Variants in RAPSN observed in about 807,000 individuals in gnomAD.
RAPSN encodes the protein receptor associated protein of the synapse.
Under a neutral mutation model 45.7 loss-of-function variants are expected in RAPSN, and 33 were observed. That is an observed-to-expected ratio of 0.72 (90% CI 0.55 to 0.97). The LOEUF (loss-of-function observed/expected upper bound fraction) is 0.97, where lower values mean the gene tolerates loss of function less well. Ranked by LOEUF, RAPSN falls within the 50% of genes least tolerant of loss-of-function variation. The pLI is 0.00. For synonymous variants in RAPSN, 244 were observed against 233.6 expected, an observed-to-expected ratio of 1.04 and a Z score of -0.40; for missense variants, 519 against 559.4, an observed-to-expected ratio of 0.93 and a Z score of 0.73.
chr11:47,447,675 C>A, intron 2 of RAPSN, 137 bp downstream of exon 2: 1 of 1,072,062 alleles, frequency 9.3e-7, no homozygotes, highest in Non-Finnish European at 1.4e-6. Flanking sequence ...CTGGATAAGC[C>A]TTTTTGCTCT....
intron 5 of RAPSN, 88 bp downstream of exon 5, chr11:47,441,523 C>T: frequency 1.3e-6 from 2 of 1,585,180 alleles, no homozygotes; most frequent in Non-Finnish European, 1.7e-6. Context: ...TGACGTCAGA[C>T]AAAGTGGCTG....
Position 47,438,870 on chromosome 11 carries a change from C to T in RAPSN, c.1028G>A (p.Arg343Gln), listed in dbSNP as rs757902272. 52 of 1,566,422 alleles carry T rather than the reference C, an allele frequency of 3.3e-5. No homozygotes were observed. Among genetic ancestry groups the T allele is most frequent in the Non-Finnish European group, 3.5e-5 (40 of 1,155,016 alleles). Residue 343 changes from arginine to glutamine, a missense_variant, in exon 7 of 8, where the codon CGG (arginine) becomes CAG (glutamine). Arg to Gln is a conservative substitution (Grantham distance 43). Transcript: ENST00000298854. Reference protein sequence around the residue: ...ESIYRSKGLQRELRAHVVRFH... With the variant: ...ESIYRSKGLQQELRAHVVRFH... ...CCTCACAACGTGCGCCCGCAGTTCC[C>T]GCTGCAGCCCTTTGCTGCGGTAAAT...
At chr11:47,438,985 C>A in intron 6 of RAPSN, 54 bp from the exon 7 acceptor site, 2 of 1,524,040 alleles carry the variant, frequency 1.3e-6, no homozygotes, top group Non-Finnish European at 1.8e-6. Flanking sequence ...AAAGTCAGTG[C>A]AGGTAGGCTC....
In RAPSN at chr11:47,444,946, G is replaced by A. The variant is rs1053242502; in HGVS notation, c.532-2132C>T. 2.6e-5 allele frequency among the ~76,000 whole-genome samples: 4 copies of A among 151,676 alleles called. No individual in the cohort carries two copies. The South Asian group carries it at 6.2e-4, about 24-fold the overall frequency. The stretch of plus-strand genomic sequence containing the variant: ...ACACACACAAATAATTATTTTGGCC[G>A]GGCGCAGTGGCTTATGCCTGTAATC... On this transcript the variant is annotated intron_variant, in intron 2 of 7. Transcript: ENST00000298854.
Position 47,438,728 on chromosome 11 carries a change from C to T in RAPSN, c.1166+4G>A, listed in dbSNP as rs2076335012. The T allele has an allele frequency of 3.2e-6, 5 of 1,559,142 alleles. No homozygotes were observed. Among genetic ancestry groups the T allele is most frequent in the Admixed American group, 3.8e-5 (2 of 52,856 alleles). On this transcript the variant is annotated splice_donor_region_variant and intron_variant, in intron 7 of 7. Transcript: ENST00000298854. ...CCCCTGTCCACCCCCCCAGGAGCCCCCACCTGAGGTGGAAGATGTGGGAGC... is the reference window on the plus strand; with the variant it reads ...CCCCTGTCCACCCCCCCAGGAGCCCTCACCTGAGGTGGAAGATGTGGGAGC...
At position 47,441,224 on chromosome 11, in the gene RAPSN, G is replaced by A; in HGVS notation, c.913-12C>T. The A allele has an allele frequency of 1.2e-6, 2 of 1,613,548 alleles. No homozygotes were observed. Among genetic ancestry groups the A allele is most frequent in the African/African-American group, 1.3e-5 (1 of 75,054 alleles). ...ATGGCATCCAGAGCCTGGAAGGTGA[G>A]CATAGGCCAGGGCTGCGGGCAGAGC... is the stretch of plus-strand genomic sequence containing the variant. On this transcript the variant is annotated splice_polypyrimidine_tract_variant and intron_variant, in intron 5 of 7. Coordinates refer to ENST00000298854, the MANE Select transcript of RAPSN (RefSeq NM_005055.5).
chr11:47,448,855 G>A lies in RAPSN; in HGVS notation c.110C>T (p.Ser37Leu), dbSNP rs764114482. 4.3e-6 allele frequency: 7 copies of A among 1,614,150 alleles called. No homozygotes were observed. Among genetic ancestry groups the A allele is most frequent in the South Asian group, 1.1e-5 (1 of 91,086 alleles). Residue 37 changes from serine to leucine, a missense_variant, in exon 1 of 8, where the codon TCG (serine) becomes TTG (leucine). By Grantham distance (145) the Ser-to-Leu change is moderately radical. Coordinates refer to ENST00000298854, the MANE Select transcript of RAPSN (RefSeq NM_005055.5). ...QVWTKVLEKSSDLMGRFRVLG... is the reference protein window; with the variant it reads ...QVWTKVLEKSLDLMGRFRVLG... The stretch of plus-strand genomic sequence containing the variant: ...CACGCGGAAGCGCCCCATGAGGTCC[G>A]AGCTCTTCTCCAGCACCTTTGTCCA...
intron 2 of RAPSN, among the ~76,000 whole-genome samples, chr11:47,443,955 A>AAAAAG (rs1230756646): frequency 1.1e-4 from 16 of 147,984 alleles, no homozygotes; most frequent in African/African-American, 2.2e-4. Flanking sequence ...AAAAAAAAAA[A>AAAAAG]AAAAGAAAAG....
intron 7 of RAPSN, 69 bp downstream of exon 7, chr11:47,438,663 G>C (rs761882937): frequency 3.3e-6 from 5 of 1,527,340 alleles, no homozygotes; most frequent in Non-Finnish European, 4.4e-6. Context: ...CTGTGATTAA[G>C]CCAGCTGGGC....
Position 47,441,684 on chromosome 11 carries a change from C to A in RAPSN, c.839G>T (p.Gly280Val). ...CGCCTGCACCTGCCCCAGGCGGTTT[C>A]CGATCTCGGTCATGATGCTCATGGC... The part of the protein sequence containing the change: ...DSAMSIMTEI[G>V]NRLGQVQALL... The change falls in exon 5 of 8, where the codon GGA (glycine) becomes GTA (valine). Residue 280 changes from glycine to valine, a missense_variant. By Grantham distance (109) the Gly-to-Val change is moderately radical (BLOSUM62 -3). Coordinates refer to ENST00000298854, the MANE Select transcript of RAPSN (RefSeq NM_005055.5). The A allele has an allele frequency of 6.2e-7, 1 of 1,609,794 alleles. No homozygotes were observed. The highest frequency in any genetic ancestry group is 8.5e-7 in the Non-Finnish European group (1 of 1,179,874).
Position 47,442,726 on chromosome 11 carries a change from A to G in RAPSN, c.620T>C (p.Met207Thr). ...GKGWSLKYRA[M>T]SQYHMAVAYR... ...GGCCACGGCCATGTGGTACTGGCTC[A>G]TGGCCCGGTACTTCAGGCTCCAGCC... Residue 207 changes from methionine (M) to threonine (T), a missense_variant, in exon 3 of 8, where the codon ATG becomes ACG. Physicochemically the swap from Met to Thr is moderately conservative, Grantham distance 81. Coordinates refer to ENST00000298854, the MANE Select transcript of RAPSN (RefSeq NM_005055.5). 6.2e-7 allele frequency: 1 copy of G among 1,614,228 alleles called. No homozygotes were observed. The highest frequency in any genetic ancestry group is 8.5e-7 in the Non-Finnish European group (1 of 1,180,024).
rs144813373 is a variant in RAPSN at position 47,441,198 on chromosome 11, G to A, written c.927C>T (p.Ile309=). ...RKALDKALDA[I]ERAQDLAEEV... Reference sequence around the variant, plus strand: ...CCTCGGCCAGATCCTGGGCTCTCTCGATGGCATCCAGAGCCTGGAAGGTGA... The same window carrying A: ...CCTCGGCCAGATCCTGGGCTCTCTCAATGGCATCCAGAGCCTGGAAGGTGA... The change falls in exon 6 of 8, where the codon ATC becomes ATT. Residue 309 remains isoleucine, a synonymous_variant. Transcript: ENST00000298854. The A allele has an allele frequency of 1.5e-5, 25 of 1,613,848 alleles. No homozygotes were observed. In the Admixed American group the frequency reaches 2.7e-4, roughly 17 times the overall value.
chr11:47,442,561 G>C, intron 3 of RAPSN, 95 bp downstream of exon 3: 1 of 1,440,464 alleles, frequency 6.9e-7, no homozygotes, highest in Non-Finnish European at 9.5e-7. Context: ...GGCTTCCATG[G>C]GCTGATTTGG....
intron 5 of RAPSN, 81 bp from the exon 6 acceptor site, chr11:47,441,293 C>T: frequency 6.4e-7 from 1 of 1,565,458 alleles, no homozygotes; most frequent in South Asian, 1.1e-5. Context: ...GGTAGGGGGG[C>T]AGGCCTAGGG....
At chr11:47,446,821 C>A (rs1026327983) in intron 2 of RAPSN, among the ~76,000 whole-genome samples, 5 of 152,176 alleles carry the variant, frequency 3.3e-5, no homozygotes, top group African/African-American at 1.2e-4. Context: ...AGGAGAATCG[C>A]TTGAACCCAG....
chr11:47,439,696 T>A (rs1262797383), intron 6 of RAPSN, among the ~76,000 whole-genome samples: 1 of 145,370 alleles, frequency 6.9e-6, no homozygotes, highest in Non-Finnish European at 1.5e-5. Flanking sequence ...TTTAAGGTTT[T>A]AATAAGATTA....
chr11:47,447,703 C>T (rs2076418877), intron 2 of RAPSN, 109 bp downstream of exon 2: 1 of 1,285,356 alleles, frequency 7.8e-7, no homozygotes, highest in African/African-American at 1.5e-5. Flanking sequence ...TCACTCTCCT[C>T]AGCCCTCCCT....
intron 2 of RAPSN, among the ~76,000 whole-genome samples, chr11:47,443,564 C>T (rs564502494): frequency 6.6e-6 from 1 of 152,228 alleles, no homozygotes; most frequent in African/African-American, 2.4e-5. Flanking sequence ...GTCTCTGCAT[C>T]GTCAGGTCCT....
intron 3 of RAPSN, 116 bp downstream of exon 3, chr11:47,442,540 A>G: frequency 8.1e-7 from 1 of 1,234,946 alleles, no homozygotes; most frequent in Non-Finnish European, 1.1e-6. Flanking sequence ...GGCCAGAGGC[A>G]AGCCCTAGGG....
Sources: allele counts gnomAD v4.1 joint callset (sites outside exome capture counted in the v4.1 genomes callset), GRCh38; gene constraint gnomAD v4.1.1; transcripts MANE v1.5; gene names NCBI Gene and HGNC (gene_info 2026-07-23, HGNC 2026-07-21).